Variants in ZMIZ1 observed in about 807,000 individuals in gnomAD.
ZMIZ1 encodes the protein zinc finger MIZ-type containing 1.
A neutral mutation model predicts 113.9 loss-of-function variants in ZMIZ1; 17 were observed. That is an observed-to-expected ratio of 0.15 (90% confidence interval 0.10 to 0.22). The LOEUF (loss-of-function observed/expected upper bound fraction) is 0.22. Ranked by LOEUF, ZMIZ1 falls within the 10% of genes least tolerant of loss-of-function variation. ZMIZ1 has a pLI of 1.00. For missense variants in ZMIZ1, 1,059 were observed against 1,477.8 expected (o/e 0.72, Z 4.65); for synonymous variants, 607 against 603.1 (o/e 1.01, Z -0.09).
intron 4 of ZMIZ1, among the ~76,000 whole-genome samples, chr10:79,164,752 T>C (rs944869756): frequency 3.3e-5 from 5 of 152,164 alleles, no homozygotes; most frequent in Non-Finnish European, 5.9e-5. Flanking sequence ...CACTAAACTG[T>C]GTGCAAGCTG....
intron 6 of ZMIZ1, 26 bp downstream of exon 6, chr10:79,208,475 A>G (rs764620419): frequency 1.3e-6 from 2 of 1,596,130 alleles, no homozygotes; most frequent in Non-Finnish European, 1.7e-6. Flanking sequence ...GTCCGCCTGC[A>G]TTCCTGCCCA....
chr10:79,294,952 GTC>G (rs1853782799), intron 12 of ZMIZ1: 3 of 139,458 alleles, frequency 2.2e-5, no homozygotes, highest in Admixed American at 7.1e-5. Context: ...AGGGGGGGGG[GTC>G]AGGGGCTTCC....
At chr10:79,098,429 G>A (rs940446076) in intron 1 of ZMIZ1, among the ~76,000 whole-genome samples, 2 of 152,214 alleles carry the variant, frequency 1.3e-5, no homozygotes, top group Non-Finnish European at 2.9e-5. Context: ...TGACTCGACC[G>A]CTCTGTGCCT....
rs1221633325 is a variant in ZMIZ1, at chr10:79,069,501, G to T, written c.-337+231G>T. ...CGGCTGCGCGGAGCCGGCTTGGGCT[G>T]CGCGTGGGGGCCGGGTTTGTCAGGG... On this transcript the variant is annotated intron_variant, in intron 1 of 24. Coordinates refer to ENST00000334512, the MANE Select transcript of ZMIZ1 (RefSeq NM_020338.4). The surrounding 1 kb of genome is among the most constrained non-coding windows in gnomAD (Gnocchi z 4.6). Among the ~76,000 whole-genome samples the T allele has an allele frequency of 2.0e-5, 3 of 151,604 alleles. No individual in the cohort carries two copies. Among genetic ancestry groups the T allele is most frequent in the Non-Finnish European group, 4.4e-5 (3 of 67,870 alleles).
chr10:79,212,711 G>A (rs1023986316), intron 6 of ZMIZ1, among the ~76,000 whole-genome samples: 5 of 150,960 alleles, frequency 3.3e-5, no homozygotes, highest in South Asian at 2.1e-4. Context: ...AGCTGAAATC[G>A]TGCCATTGCA....
At position 79,296,359 on chromosome 10, in the gene ZMIZ1, ACAG is replaced by A; in HGVS notation, c.1231-108_1231-106del. 1 of 1,198,064 alleles carries A rather than the reference ACAG, an allele frequency of 8.3e-7. No individual in the cohort carries two copies. The highest frequency in any genetic ancestry group is 1.2e-6 in the Non-Finnish European group (1 of 823,904). 74.2% of individuals were successfully genotyped at this position (1,198,064 alleles called of 1,614,324 possible). A position where few individuals can be genotyped will look rare whatever the true frequency, so the allele number is the denominator to read the frequency against. On this transcript the variant is annotated intron_variant, in intron 12 of 24. Coordinates refer to ENST00000334512, the MANE Select transcript of ZMIZ1 (RefSeq NM_020338.4). The surrounding 1 kb of genome is among the most constrained non-coding windows in gnomAD (Gnocchi z 4.1). ...CATTATCTGGTTTTGTGGGTGGGAA[ACAG>A]CAGGAGCAAATGAGGAGAGGCGGGC...
At chr10:79,072,233 G>A (rs1028795273) in intron 1 of ZMIZ1, among the ~76,000 whole-genome samples, 2 of 152,162 alleles carry the variant, frequency 1.3e-5, no homozygotes, top group Non-Finnish European at 2.9e-5. Flanking sequence ...CAGAGACTGC[G>A]GGGTTTGGCG....
At chr10:79,156,149 T>C (rs988941491) in intron 3 of ZMIZ1, among the ~76,000 whole-genome samples, 3 of 148,028 alleles carry the variant, frequency 2.0e-5, no homozygotes, top group Non-Finnish European at 1.5e-5. Context: ...TGTTTTTAAA[T>C]AAAGAAATGA....
chr10:79,073,489 T>G (rs1235810249), intron 1 of ZMIZ1, among the ~76,000 whole-genome samples: 1 of 152,180 alleles, frequency 6.6e-6, no homozygotes, highest in East Asian at 1.9e-4. Flanking sequence ...AGTGGGCAGT[T>G]GTGAGTGTTA....
intron 6 of ZMIZ1, among the ~76,000 whole-genome samples, chr10:79,210,243 G>T (rs11002870): frequency 0.11 from 17,064 of 152,134 alleles, 1,177 homozygotes; most frequent in East Asian, 0.3. Context: ...GCCTGACCCT[G>T]TCTATCTAGG....
chr10:79,297,478 C>A, intron 13 of ZMIZ1, 135 bp from the exon 14 acceptor site: 1 of 737,848 alleles, frequency 1.4e-6, no homozygotes, highest in Non-Finnish European at 2.4e-6. Flanking sequence ...CCGCCCTGCT[C>A]ACTCAATATA....
intron 4 of ZMIZ1, 124 bp from the exon 5 acceptor site, chr10:79,201,460 C>T: frequency 1.4e-6 from 1 of 711,390 alleles, no homozygotes; most frequent in Non-Finnish European, 2.4e-6. Context: ...CCAGGTGCAG[C>T]CCCACAGGGC....
chr10:79,299,263 G>A (rs931679904), intron 16 of ZMIZ1, 72 bp downstream of exon 16: 21 of 1,534,344 alleles, frequency 1.4e-5, no homozygotes, highest in Admixed American at 1.1e-4. Flanking sequence ...CCTTGGGCCC[G>A]AGTGGGGCCC....
intron 7 of ZMIZ1, among the ~76,000 whole-genome samples, chr10:79,221,747 C>T (rs1417599180): frequency 3.9e-5 from 6 of 152,238 alleles, no homozygotes; most frequent in Admixed American, 1.3e-4. Flanking sequence ...TCAGCTGACC[C>T]GTGAGCAGCC....
intron 8 of ZMIZ1, among the ~76,000 whole-genome samples, chr10:79,285,043 T>C (rs529014541): frequency 9.8e-5 from 15 of 152,304 alleles, no homozygotes; most frequent in African/African-American, 3.4e-4. Flanking sequence ...TTGTGGCTTC[T>C]AGGTGGCCTC....
intron 7 of ZMIZ1, among the ~76,000 whole-genome samples, chr10:79,264,830 G>T (rs79790604): frequency 0.034 from 5,120 of 152,276 alleles, 132 homozygotes; most frequent in Middle Eastern, 0.061. Context: ...ATTTATTGGG[G>T]TACCCCCAAA....
At chr10:79,302,504 C>G (rs1474047061) in intron 18 of ZMIZ1, among the ~76,000 whole-genome samples, 1 of 152,114 alleles carries the variant, frequency 6.6e-6, no homozygotes, top group African/African-American at 2.4e-5. Flanking sequence ...CCTGCAATAG[C>G]AGCACAGGAC....
At chr10:79,144,000 C>A (rs1243505162) in intron 3 of ZMIZ1, among the ~76,000 whole-genome samples, 1 of 152,212 alleles carries the variant, frequency 6.6e-6, no homozygotes, top group Non-Finnish European at 1.5e-5. Context: ...CCCTCCAACT[C>A]TGCATCGGGG....
At chr10:79,245,707 G>T (rs956311143) in intron 7 of ZMIZ1, among the ~76,000 whole-genome samples, 1 of 152,200 alleles carries the variant, frequency 6.6e-6, no homozygotes. Flanking sequence ...CCTGAATGTT[G>T]CCCCAGGGAG....
Sources: allele counts gnomAD v4.1 joint callset (sites outside exome capture counted in the v4.1 genomes callset), GRCh38; gene constraint gnomAD v4.1.1; non-coding constraint Gnocchi (gnomAD v3.1); transcripts MANE v1.5; gene names NCBI Gene and HGNC (gene_info 2026-07-23, HGNC 2026-07-21).